AEBP2: variants seen among roughly 807,000 people sequenced by gnomAD.
The protein encoded by AEBP2 is AE binding protein 2, also known as zinc finger protein AEBP2.
In AEBP2, 10 loss-of-function variants were observed where a neutral mutation model predicts 50.8. The ratio of observed to expected loss-of-function variants is 0.20; its 90% CI spans 0.12 to 0.33. The LOEUF (loss-of-function observed/expected upper bound fraction) is 0.33. Among genes scored for constraint, AEBP2 ranks in the 10% least tolerant of loss-of-function variants. The probability of loss-of-function intolerance (pLI) is 1.00; values close to 1 mark genes in which losing one functional copy is unlikely to be tolerated. For synonymous variants in AEBP2, 296 were observed against 261.3 expected (o/e 1.13, Z -1.28); for missense variants, 570 against 688.0 (o/e 0.83, Z 1.92).
At position 19,451,032 on chromosome 12, in the gene AEBP2, A is replaced by T. The variant is rs373081784; in HGVS notation, c.671+10662A>T. Among the ~76,000 whole-genome samples, 3 of 152,126 alleles carry T rather than the reference A, an allele frequency of 2.0e-5. No individual in the cohort carries two copies. The South Asian group carries it at 6.2e-4, about 31-fold the overall frequency. ...GTTTTGCACTTGTTTGACTATGGGC[A>T]AATCTTAATTTATCTGAAAGAAAAG... On this transcript the variant is annotated intron_variant, in intron 1 of 7. Coordinates refer to ENST00000266508, the MANE Select transcript of AEBP2 (RefSeq NM_153207.5).
At position 19,500,094 on chromosome 12, in the gene AEBP2, T is replaced by C; in HGVS notation, c.1175-3T>C. ...ATTCTTTACTTTTTATGTTGACTTT[T>C]AGCACGGCCACATGATTTCTTCGAT... On this transcript the variant is annotated splice_polypyrimidine_tract_variant and splice_region_variant and intron_variant, in intron 4 of 7. Coordinates refer to ENST00000266508, the MANE Select transcript of AEBP2 (RefSeq NM_153207.5). 1 of 1,602,656 alleles carries C rather than the reference T, an allele frequency of 6.2e-7. No individual in the cohort carries two copies. Among genetic ancestry groups the C allele is most frequent in the Non-Finnish European group, 8.5e-7 (1 of 1,174,898 alleles).
At chr12:19,491,154 T>A (rs1948890558) in intron 3 of AEBP2, among the ~76,000 whole-genome samples, 1 of 152,182 alleles carries the variant, frequency 6.6e-6, no homozygotes, top group African/African-American at 2.4e-5. Flanking sequence ...ACAGAAGAGA[T>A]GGCAGCTTTA....
intron 1 of AEBP2, among the ~76,000 whole-genome samples, chr12:19,431,130 G>T (rs1592709952): frequency 6.6e-6 from 1 of 152,066 alleles, no homozygotes; most frequent in African/African-American, 2.4e-5. Context: ...GAAAAAGGAG[G>T]AAAAATAGGG....
intron 1 of AEBP2, among the ~76,000 whole-genome samples, chr12:19,454,794 C>T (rs1948237072): frequency 6.6e-6 from 1 of 152,038 alleles, no homozygotes; most frequent in Admixed American, 6.6e-5. Flanking sequence ...GAGAACGACC[C>T]AAAGTTACCA....
At chr12:19,409,960 A>C (rs530019256) in intron 1 of AEBP2, among the ~76,000 whole-genome samples, 1 of 152,302 alleles carries the variant, frequency 6.6e-6, no homozygotes, top group South Asian at 2.1e-4. Context: ...CAAAAGCTAG[A>C]GTTTCCCTAG....
intron 1 of AEBP2, among the ~76,000 whole-genome samples, chr12:19,443,855 G>A (rs1006661347): frequency 3.9e-5 from 6 of 152,024 alleles, no homozygotes; most frequent in Non-Finnish European, 8.8e-5. Context: ...GGTACAAAAA[G>A]TTGATTTTTT....
intron 4 of AEBP2, among the ~76,000 whole-genome samples, chr12:19,496,661 A>C (rs1183267690): frequency 3.4e-5 from 5 of 147,902 alleles, no homozygotes; most frequent in African/African-American, 1.2e-4. Flanking sequence ...TTTTTTTTTT[A>C]ACCTTTTTTT....
At chr12:19,486,488 C>T (rs1948812146) in intron 3 of AEBP2, among the ~76,000 whole-genome samples, 1 of 151,982 alleles carries the variant, frequency 6.6e-6, no homozygotes, top group African/African-American at 2.4e-5. Flanking sequence ...ATCTCCCTGG[C>T]TCAGGTGTTA....
intron 3 of AEBP2, among the ~76,000 whole-genome samples, chr12:19,488,209 T>C (rs1175198317): frequency 1.3e-5 from 2 of 151,690 alleles, no homozygotes; most frequent in Non-Finnish European, 2.9e-5. Flanking sequence ...CTGCAACCTC[T>C]GGCTCCTGGG....
chr12:19,446,026 G>A (rs1948058105), intron 1 of AEBP2: 1 of 152,124 alleles, frequency 6.6e-6, no homozygotes, highest in Non-Finnish European at 1.5e-5. Context: ...ATTGTTCCAA[G>A]TTTATCATAT....
intron 1 of AEBP2, among the ~76,000 whole-genome samples, chr12:19,448,546 C>T (rs1012810688): frequency 6.6e-6 from 1 of 151,670 alleles, no homozygotes; most frequent in Non-Finnish European, 1.5e-5. Context: ...CTTCTGCACT[C>T]ACTCAGTATG....
intron 1 of AEBP2, among the ~76,000 whole-genome samples, chr12:19,444,292 T>C (rs1431647080): frequency 6.6e-6 from 1 of 152,236 alleles, no homozygotes; most frequent in East Asian, 1.9e-4. Flanking sequence ...ACTGAACGTG[T>C]ATTTATGCTA....
At chr12:19,482,241 G>A (rs1948740939) in intron 3 of AEBP2, among the ~76,000 whole-genome samples, 1 of 152,128 alleles carries the variant, frequency 6.6e-6, no homozygotes, top group African/African-American at 2.4e-5. Flanking sequence ...ATGCCTACAA[G>A]GAGTCCTGTG....
chr12:19,509,816 CTTTCTTTT>C (rs1949206724), intron 5 of AEBP2, among the ~76,000 whole-genome samples: 1 of 121,054 alleles, frequency 8.3e-6, no homozygotes, highest in African/African-American at 3.3e-5. Context: ...AACATGGCTA[CTTTCTTTT>C]TTTTTTTTTT....
intron 1 of AEBP2, among the ~76,000 whole-genome samples, chr12:19,458,708 C>A (rs1198929064): frequency 6.6e-6 from 1 of 152,110 alleles, no homozygotes; most frequent in South Asian, 2.1e-4. Flanking sequence ...CTATATAAAT[C>A]TCTCTTAACC....
At chr12:19,475,421 G>T (rs1304604831) in intron 3 of AEBP2, among the ~76,000 whole-genome samples, 1 of 151,840 alleles carries the variant, frequency 6.6e-6, no homozygotes, top group African/African-American at 2.4e-5. Flanking sequence ...TATGGCTTGA[G>T]TAGTATTCCA....
chr12:19,421,213 G>A (rs1172356940), intron 1 of AEBP2, among the ~76,000 whole-genome samples: 1 of 151,594 alleles, frequency 6.6e-6, no homozygotes, highest in East Asian at 1.9e-4. Context: ...GCGTAGTGCT[G>A]GACACCTGTA....
At chr12:19,507,865 A>AT (rs1284087177) in intron 5 of AEBP2, among the ~76,000 whole-genome samples, 3 of 152,238 alleles carry the variant, frequency 2.0e-5, no homozygotes, top group Non-Finnish European at 4.4e-5. Context: ...CTAACTGCAA[A>AT]TTTAAGTTAC....
At chr12:19,488,177 G>C (rs1339581341) in intron 3 of AEBP2, among the ~76,000 whole-genome samples, 2 of 150,204 alleles carry the variant, frequency 1.3e-5, no homozygotes, top group African/African-American at 4.9e-5. Flanking sequence ...AGGCTAGAGT[G>C]CAGTGGTATA....
Sources: gnomAD v4.1 joint callset for allele counts (sites outside exome capture counted in the v4.1 genomes callset) on GRCh38, gnomAD v4.1.1 for gene constraint, MANE v1.5 for transcripts, NCBI Gene and HGNC (gene_info 2026-07-23, HGNC 2026-07-21) for gene names.